ANXA11: variants seen among roughly 807,000 people sequenced by gnomAD.
ANXA11 encodes 56 kDa autoantigen.
In ANXA11, 57 loss-of-function variants were observed where a neutral mutation model predicts 64.7. The ratio of observed to expected loss-of-function variants is 0.88; its 90% CI spans 0.71 to 1.10. ANXA11 has a LOEUF of 1.10. ANXA11 is among the 50% of genes least tolerant of loss of function. The probability of loss-of-function intolerance (pLI) is 0.00; values close to 1 mark genes in which losing one functional copy is unlikely to be tolerated. For synonymous variants in ANXA11, 260 were observed against 265.2 expected (o/e 0.98, Z 0.19); for missense variants, 675 against 670.7 (o/e 1.01, Z -0.07).
rs1248486806 is a variant in ANXA11 at position 80,163,600 on chromosome 10, G to C, written c.963C>G (p.Thr321=). Residue 321 remains threonine, a synonymous_variant, in exon 10 of 16, where the codon ACC becomes ACG. Transcript: ENST00000422982. Reference sequence around the variant, plus strand: ...TGTCGCTTCGAATGGCCTCTTCCAGGGTCTTTTTGAATTCTGAAAGGGAGA... The same window carrying C: ...TGTCGCTTCGAATGGCCTCTTCCAGCGTCTTTTTGAATTCTGAAAGGGAGA... ...NRAYKAEFKK[T]LEEAIRSDTS... is the part of the protein sequence containing the mutation. 6.4e-7 allele frequency: 1 copy of C among 1,555,164 alleles called. No individual in the cohort carries two copies. Among genetic ancestry groups the C allele is most frequent in the Admixed American group, 1.9e-5 (1 of 51,752 alleles).
chr10:80,172,012 A>AG (rs1564613362), intron 3 of ANXA11: 2 of 753,118 alleles, frequency 2.7e-6, no homozygotes, highest in Non-Finnish European at 3.2e-6. Context: ...AATGGCCTGC[A>AG]GGTCTGGGGT....
At chr10:80,165,796 C>A (rs1473115160) in intron 8 of ANXA11, among the ~76,000 whole-genome samples, 1 of 152,094 alleles carries the variant, frequency 6.6e-6, no homozygotes, top group Admixed American at 6.5e-5. Context: ...ACCTTCAAAC[C>A]CGAGCTCCCC....
At chr10:80,169,550 G>A (rs1052245936) in intron 4 of ANXA11, among the ~76,000 whole-genome samples, 192 bp from the exon 5 acceptor site, 7 of 152,156 alleles carry the variant, frequency 4.6e-5, no homozygotes, top group African/African-American at 1.4e-4. Context: ...TGAACAGTGC[G>A]ACTCGATCCA....
intron 7 of ANXA11, chr10:80,166,669 C>G: frequency 1.7e-6 from 1 of 576,364 alleles, no homozygotes; most frequent in Non-Finnish European, 3.1e-6. Context: ...GGGCTAGAAC[C>G]CAGGGATAGA....
intron 1 of ANXA11, among the ~76,000 whole-genome samples, chr10:80,200,680 T>A (rs1053688989): frequency 2.3e-4 from 35 of 152,236 alleles, no homozygotes; most frequent in African/African-American, 8.4e-4. Flanking sequence ...AGGACCTATT[T>A]TCTCCTTTCA....
intron 3 of ANXA11, 57 bp downstream of exon 3, chr10:80,172,750 T>G: frequency 6.5e-7 from 1 of 1,548,328 alleles, no homozygotes; most frequent in African/African-American, 1.4e-5. Context: ...CCCTCTCCAC[T>G]CCCAGCCACT....
At chr10:80,188,480 C>CACAT (rs761988722) in intron 1 of ANXA11, among the ~76,000 whole-genome samples, 3 of 100,576 alleles carry the variant, frequency 3.0e-5, no homozygotes, top group East Asian at 3.3e-4. Flanking sequence ...AGTATTCTCA[C>CACAT]ATATATATAT....
At position 80,155,787 on chromosome 10, in the gene ANXA11, T is replaced by A. The variant is rs1845249495; in HGVS notation, c.*66A>T. The A allele has an allele frequency of 3.4e-6, 5 of 1,450,342 alleles. No homozygotes were observed. In the South Asian group the frequency reaches 5.7e-5, roughly 17 times the overall value. 89.8% of individuals were successfully genotyped at this position (1,450,342 alleles called of 1,614,324 possible). A position where few individuals can be genotyped will look rare whatever the true frequency, so the allele number is the denominator to read the frequency against. On this transcript the variant is annotated 3_prime_UTR_variant, in exon 16 of 16. Coordinates refer to ENST00000422982, the MANE Select transcript of ANXA11 (RefSeq NM_145868.2). ...TTGTGGATTTGTTAGAAACAGACATTCTTTTGGCCTTTTCCTGGCACTGGT... is the reference window on the plus strand; with the variant it reads ...TTGTGGATTTGTTAGAAACAGACATACTTTTGGCCTTTTCCTGGCACTGGT...
At chr10:80,175,732 C>T (rs187442873) in intron 2 of ANXA11, among the ~76,000 whole-genome samples, 99 of 152,314 alleles carry the variant, frequency 6.5e-4, no homozygotes, top group Non-Finnish European at 1.2e-3. Context: ...CTCACCTTCA[C>T]CAATGTGCTG....
intron 5 of ANXA11, among the ~76,000 whole-genome samples, chr10:80,168,271 G>C (rs1191475516): frequency 6.8e-6 from 1 of 147,940 alleles, no homozygotes; most frequent in Non-Finnish European, 1.5e-5. Context: ...CGGGGGTGGT[G>C]CATATCAAGG....
intron 1 of ANXA11, among the ~76,000 whole-genome samples, chr10:80,182,989 G>A (rs1475537396): frequency 1.3e-5 from 2 of 152,176 alleles, no homozygotes; most frequent in African/African-American, 2.4e-5. Context: ...GCAGGGTGAA[G>A]TGTTGAGAGT....
At chr10:80,190,095 T>C (rs1001055920) in intron 1 of ANXA11, among the ~76,000 whole-genome samples, 4 of 152,242 alleles carry the variant, frequency 2.6e-5, no homozygotes, top group Non-Finnish European at 4.4e-5. Flanking sequence ...TAGACTGCTG[T>C]TGGCCAGGGC....
In ANXA11 at chr10:80,205,462, T is replaced by TCGCGGGGCC. The variant is rs1211290093; in HGVS notation, c.-186_-178dup. On this transcript the variant is annotated 5_prime_UTR_variant, in exon 1 of 16. Transcript: ENST00000422982. ...CCTAGGGGCTGGGTCCCACTCCCGCTCGCGGGGCCCGCGGGGCACTCGGGG... is the reference window on the plus strand; with the variant it reads ...CCTAGGGGCTGGGTCCCACTCCCGCTCGCGGGGCCCGCGGGGCCCGCGGGGCACTCGGGG... 1.1e-4 allele frequency: 17 copies of TCGCGGGGCC among 151,542 alleles called. No individual in the cohort carries two copies. Among genetic ancestry groups the TCGCGGGGCC allele is most frequent in the Admixed American group, 8.5e-4 (13 of 15,244 alleles). 9.4% of individuals were successfully genotyped at this position (151,542 alleles called of 1,614,324 possible). A position where few individuals can be genotyped will look rare whatever the true frequency, so the allele number is the denominator to read the frequency against.
Position 80,168,869 on chromosome 10 carries a change from G to A in ANXA11, c.561+100C>T, listed in dbSNP as rs150718259. 1.8e-5 allele frequency: 23 copies of A among 1,287,324 alleles called. No individual in the cohort carries two copies. The Admixed American group carries it at 8.1e-4, about 45-fold the overall frequency. 79.7% of individuals were successfully genotyped at this position (1,287,324 alleles called of 1,614,324 possible). ...TTTGTTAAAACAAGAAGTGCAGCTG[G>A]AGGCCTGCGCCTTTCCCTGTCTCCC... On this transcript the variant is annotated intron_variant, in intron 5 of 15. Coordinates refer to ENST00000422982, the MANE Select transcript of ANXA11 (RefSeq NM_145868.2).
intron 15 of ANXA11, chr10:80,157,309 A>C (rs1438035916): frequency 2.7e-5 from 27 of 985,292 alleles, no homozygotes; most frequent in Non-Finnish European, 2.0e-5. Context: ...GCAGAGCTCC[A>C]CAGAGCCTTT....
chr10:80,175,090 T>C (rs1198281773), intron 2 of ANXA11, among the ~76,000 whole-genome samples: 2 of 152,112 alleles, frequency 1.3e-5, no homozygotes, highest in East Asian at 3.9e-4. Flanking sequence ...AAGCACGTGG[T>C]GGATGAGGTC....
At chr10:80,166,812 A>G (rs1034231095) in intron 7 of ANXA11, 78 bp downstream of exon 7, 1 of 1,156,714 alleles carries the variant, frequency 8.6e-7, no homozygotes, top group African/African-American at 1.5e-5. Context: ...GGCCCACCCA[A>G]GGAAAAGCAG....
At chr10:80,164,018 G>A (rs1013382736) in intron 9 of ANXA11, 35 bp downstream of exon 9, 6 of 1,545,846 alleles carry the variant, frequency 3.9e-6, no homozygotes, top group Admixed American at 1.7e-5. Context: ...GATCTGCAGA[G>A]GGCAGAGGGC....
intron 1 of ANXA11, among the ~76,000 whole-genome samples, chr10:80,193,783 G>C (rs1020423518): frequency 2.8e-5 from 4 of 141,344 alleles, no homozygotes; most frequent in Non-Finnish European, 6.0e-5. Context: ...CTGCACTCCA[G>C]CTTGGGCAAC....
Sources: allele counts gnomAD v4.1 joint callset (sites outside exome capture counted in the v4.1 genomes callset), GRCh38; gene constraint gnomAD v4.1.1; transcripts MANE v1.5; gene names NCBI Gene and HGNC (gene_info 2026-07-23, HGNC 2026-07-21).